LAMA5: variants seen among roughly 807,000 people sequenced by gnomAD.
LAMA5 encodes laminin subunit alpha-5.
A neutral mutation model predicts 433.4 loss-of-function variants in LAMA5; 260 were observed. The ratio of observed to expected loss-of-function variants is 0.60; its 90% confidence interval spans 0.54 to 0.66. LAMA5 has a LOEUF of 0.66. Ranked by LOEUF, LAMA5 falls within the 30% of genes least tolerant of loss-of-function variation. LAMA5 has a pLI of 0.00. For synonymous variants in LAMA5, 2,620 were observed against 2,226.6 expected (o/e 1.18, Z -4.97); for missense variants, 5,378 against 5,258.5 (o/e 1.02, Z -0.70).
At chr20:62,341,826 C>CAAAAAAAAAAA (rs11466846) in intron 11 of LAMA5, among the ~76,000 whole-genome samples, 4 of 128,150 alleles carry the variant, frequency 3.1e-5, no homozygotes, top group African/African-American at 1.1e-4. Context: ...TCTGATCAAC[C>CAAAAAAAAAAA]AAAAAAAAAA....
rs1352765622 is a variant in LAMA5, at chr20:62,317,487, G to A, written c.7369C>T (p.Leu2457Phe). The A allele has an allele frequency of 7.1e-6, 11 of 1,548,076 alleles. No homozygotes were observed. The highest frequency in any genetic ancestry group is 6.9e-5 in the African/African-American group (5 of 72,960). Residue 2457 changes from leucine to phenylalanine, a missense_variant, in exon 55 of 80, where the codon CTC (leucine) becomes TTC (phenylalanine). By Grantham distance (22) the Leu-to-Phe change is conservative. Coordinates refer to ENST00000252999, the MANE Select transcript of LAMA5 (RefSeq NM_005560.6). The stretch of plus-strand genomic sequence containing the variant: ...CGAGCCCCATCCAGGCTGGCGGCGA[G>A]GCGCTCCAGCTCCTGGAATTTGAGT... ...LDQAKEELER[L>F]AASLDGARTP...
In LAMA5 at chr20:62,333,162, G is replaced by A. The variant is rs749835527; in HGVS notation, c.3210C>T (p.Ser1070=). 6.6e-7 allele frequency: 1 copy of A among 1,516,446 alleles called. No individual in the cohort carries two copies. Among genetic ancestry groups the A allele is most frequent in the Non-Finnish European group, 8.8e-7 (1 of 1,134,192 alleles). 93.9% of individuals were successfully genotyped at this position (1,516,446 alleles called of 1,614,324 possible). Residue 1070 remains serine, a synonymous_variant, in exon 26 of 80, where the codon AGC becomes AGT. Coordinates refer to ENST00000252999, the MANE Select transcript of LAMA5 (RefSeq NM_005560.6). The part of the protein sequence containing the change: ...GLEALCRQDN[S]LPRPCPTEQL... ...GCTCCGTGGGGCAGGGCCGGGGCAGGCTGTTGTCCTGGCGACACAGGGCCT... is the reference window on the plus strand; with the variant it reads ...GCTCCGTGGGGCAGGGCCGGGGCAGACTGTTGTCCTGGCGACACAGGGCCT...
intron 50 of LAMA5, 89 bp downstream of exon 50, chr20:62,320,470 G>A: frequency 3.1e-6 from 3 of 978,048 alleles, no homozygotes; most frequent in Non-Finnish European, 4.6e-6. Flanking sequence ...TACGAGGCAT[G>A]AAGTAACATC....
Position 62,352,230 on chromosome 20 carries a change from T to A in LAMA5, c.687+12A>T, listed in dbSNP as rs757625974. On this transcript the variant is annotated intron_variant, in intron 4 of 79. Transcript: ENST00000252999. ...TCCAGCCCCCGTACCGCCCTGCCCCTCCCCGGCCCACCTCTCCGTTCTCCA... is the reference window on the plus strand; with the variant it reads ...TCCAGCCCCCGTACCGCCCTGCCCCACCCCGGCCCACCTCTCCGTTCTCCA... 1.9e-6 allele frequency: 3 copies of A among 1,583,886 alleles called. No individual in the cohort carries two copies. The highest frequency in any genetic ancestry group is 2.6e-6 in the Non-Finnish European group (3 of 1,169,446).
chr20:62,321,074 C>A (rs1370066820), intron 48 of LAMA5, among the ~76,000 whole-genome samples, 184 bp from the exon 49 acceptor site: 1 of 146,406 alleles, frequency 6.8e-6, no homozygotes, highest in East Asian at 2.0e-4. Flanking sequence ...AGGTAGGAGT[C>A]AGATGGGAGT....
Position 62,328,765 on chromosome 20 carries a change from T to C in LAMA5, c.4447+79A>G, listed in dbSNP as rs1023406069. Reference sequence around the variant, plus strand: ...AGGCTCTAGAACATTCTCCTGACCCTGCTTTCTGGTCGACCCGTCCACCTT... The same window carrying C: ...AGGCTCTAGAACATTCTCCTGACCCCGCTTTCTGGTCGACCCGTCCACCTT... On this transcript the variant is annotated intron_variant, in intron 34 of 79. Coordinates refer to ENST00000252999, the MANE Select transcript of LAMA5 (RefSeq NM_005560.6). 10 of 1,389,304 alleles carry C rather than the reference T, an allele frequency of 7.2e-6. No individual in the cohort carries two copies. In the East Asian group the frequency reaches 2.3e-4, roughly 33 times the overall value. The allele number at this position is 1,389,304 out of a possible 1,614,324, so 86.1% of individuals were successfully genotyped here.
chr20:62,320,932 G>A lies in LAMA5; in HGVS notation c.6497-42C>T, dbSNP rs770463949. 6.3e-6 allele frequency: 10 copies of A among 1,575,144 alleles called. No homozygotes were observed. In the South Asian group the frequency reaches 1.0e-4, roughly 16 times the overall value. The stretch of plus-strand genomic sequence containing the variant: ...GTCACAGGTCAGTGTCATTGGGTCA[G>A]GCCAGGGGAGAATGATCAGCTGGGG... On this transcript the variant is annotated intron_variant, in intron 48 of 79. Coordinates refer to ENST00000252999, the MANE Select transcript of LAMA5 (RefSeq NM_005560.6).
intron 1 of LAMA5, 143 bp downstream of exon 1, chr20:62,366,806 T>C: frequency 8.8e-7 from 1 of 1,137,202 alleles, no homozygotes; most frequent in Non-Finnish European, 1.1e-6. Context: ...CGGGTCGGGG[T>C]GCCTTCTTGG....
chr20:62,329,382 AGCCC>A lies in LAMA5; in HGVS notation c.4120-133_4120-130del, dbSNP rs1329562376. On this transcript the variant is annotated intron_variant, in intron 32 of 79. Transcript: ENST00000252999. The stretch of plus-strand genomic sequence containing the variant: ...TGGCAGCAGCAGCCCAGCCCAGCCC[AGCCC>A]AGCCCTGGGCCCTGGCTGCTCAGGG... The A allele has an allele frequency of 4.6e-6, 3 of 653,014 alleles. No individual in the cohort carries two copies. In the East Asian group the frequency reaches 8.3e-5, roughly 18 times the overall value. 40.5% of individuals were successfully genotyped at this position (653,014 alleles called of 1,614,324 possible).
intron 70 of LAMA5, 67 bp downstream of exon 70, chr20:62,311,853 G>A: frequency 2.1e-6 from 3 of 1,398,656 alleles, no homozygotes; most frequent in Non-Finnish European, 2.9e-6. Flanking sequence ...AGGAGACAGA[G>A]GTCCAGGCAA....
Position 62,330,862 on chromosome 20 carries a change from C to A in LAMA5, c.3733G>T (p.Gly1245Cys). The part of the protein sequence containing the change: ...RDCQVIPLPP[G>C]LPLTHAQDLT... ...TCCTGCGCGTGGGTCAGCGGGAGGCCGGGCGGCAGCGGGATCACCTGGCAG... is the reference window on the plus strand; with the variant it reads ...TCCTGCGCGTGGGTCAGCGGGAGGCAGGGCGGCAGCGGGATCACCTGGCAG... The change falls in exon 30 of 80, where the codon GGC becomes TGC. Residue 1245 changes from glycine to cysteine, a missense_variant. Physicochemically the swap from Gly to Cys is radical, Grantham distance 159. Transcript: ENST00000252999. The A allele has an allele frequency of 6.5e-7, 1 of 1,539,594 alleles. No homozygotes were observed. Among genetic ancestry groups the A allele is most frequent in the Non-Finnish European group, 8.8e-7 (1 of 1,142,846 alleles).
intron 35 of LAMA5, 61 bp downstream of exon 35, chr20:62,328,180 T>G: frequency 2.2e-5 from 33 of 1,523,650 alleles, no homozygotes; most frequent in Non-Finnish European, 2.9e-5. Context: ...ACCCTCTGGC[T>G]AGAGGAAATG....
chr20:62,336,745 C>T lies in LAMA5; in HGVS notation c.2206G>A (p.Ala736Thr). 6.2e-7 allele frequency: 1 copy of T among 1,613,120 alleles called. No homozygotes were observed. The highest frequency in any genetic ancestry group is 1.1e-5 in the South Asian group (1 of 91,084). Residue 736 changes from alanine to threonine, a missense_variant, in exon 17 of 80, where the codon GCC (alanine) becomes ACC (threonine). Physicochemically the swap from Ala to Thr is moderately conservative, Grantham distance 58 (BLOSUM62 0). Coordinates refer to ENST00000252999, the MANE Select transcript of LAMA5 (RefSeq NM_005560.6). ...AGACTTGGGCTCACCTCAGGAAGGG[C>T]AGGATCCACTGGGGCCAGACCGGCA... The part of the protein sequence containing the change: ...HPAGLAPVDP[A>T]LPEAQVPCMC...
intron 1 of LAMA5, 147 bp downstream of exon 1, chr20:62,366,802 G>A (rs1039971420): frequency 2.7e-6 from 3 of 1,117,506 alleles, no homozygotes; most frequent in African/African-American, 3.2e-5. Flanking sequence ...CGGCCGGGTC[G>A]GGGTGCCTTC....
Position 62,312,050 on chromosome 20 carries a change from C to T in LAMA5, c.9505G>A (p.Asp3169Asn). ...SALLYYRASP[D>N]GLCQVSLQQG... ...TGCAGGGACACCTGGCATAGCCCAT[C>T]CTGGGGACGGCAGCCAGGTCAGCCG... Residue 3169 changes from aspartate to asparagine, a missense_variant and splice_region_variant, in exon 70 of 80, where the codon GAT becomes AAT. Physicochemically the swap from Asp to Asn is conservative, Grantham distance 23. Coordinates refer to ENST00000252999, the MANE Select transcript of LAMA5 (RefSeq NM_005560.6). 1 of 1,611,398 alleles carries T rather than the reference C, an allele frequency of 6.2e-7. No homozygotes were observed. Among genetic ancestry groups the T allele is most frequent in the African/African-American group, 1.3e-5 (1 of 75,032 alleles).
chr20:62,359,918 C>T lies in LAMA5; in HGVS notation c.450+2482G>A, dbSNP rs934152037. Among the ~76,000 whole-genome samples, 4 of 152,020 alleles carry T rather than the reference C, an allele frequency of 2.6e-5. No individual in the cohort carries two copies. The highest frequency in any genetic ancestry group is 2.1e-4 in the South Asian group (1 of 4,820). Reference sequence around the variant, plus strand: ...GCCTTCCAGGAGCAGGAAGCCTTCCCGATGCCCAGTGCCAGCCGCCCCCAC... The same window carrying T: ...GCCTTCCAGGAGCAGGAAGCCTTCCTGATGCCCAGTGCCAGCCGCCCCCAC... On this transcript the variant is annotated intron_variant, in intron 2 of 79. Transcript: ENST00000252999. This position sits in a 1 kb window ranked among gnomAD's most constrained non-coding sequence, Gnocchi z 4.3.
At chr20:62,311,854 G>A (rs528237607) in intron 70 of LAMA5, 66 bp downstream of exon 70, 4 of 1,553,344 alleles carry the variant, frequency 2.6e-6, no homozygotes, top group East Asian at 4.5e-5. Flanking sequence ...GGAGACAGAG[G>A]TCCAGGCAAG....
chr20:62,341,826 CAAAAAAAAAA>C (rs11466846), intron 11 of LAMA5, among the ~76,000 whole-genome samples: 194 of 128,130 alleles, frequency 1.5e-3, no homozygotes, highest in Non-Finnish European at 2.5e-3. Context: ...TCTGATCAAC[CAAAAAAAAAA>C]AAAAAAAAAA....
chr20:62,363,023 C>T (rs1369117766), intron 1 of LAMA5, among the ~76,000 whole-genome samples: 1 of 152,098 alleles, frequency 6.6e-6, no homozygotes, highest in African/African-American at 2.4e-5. Flanking sequence ...CTACCCCTCC[C>T]TGCTGGCCCT....
Sources: allele counts gnomAD v4.1 joint callset (sites outside exome capture counted in the v4.1 genomes callset), GRCh38; gene constraint gnomAD v4.1.1; non-coding constraint Gnocchi (gnomAD v3.1); transcripts MANE v1.5; gene names NCBI Gene and HGNC (gene_info 2026-07-23, HGNC 2026-07-21).